Variants in P4HB observed in about 807,000 individuals in gnomAD.
The protein encoded by P4HB is protein disulfide-isomerase.
P4HB carries 20 observed loss-of-function variants against 52.6 expected under a neutral mutation model. That is an observed-to-expected ratio of 0.38 (90% confidence interval 0.27 to 0.55). P4HB has a LOEUF of 0.55. P4HB is among the 20% of genes least tolerant of loss of function. The probability of loss-of-function intolerance (pLI) is 0.74; values close to 1 mark genes in which losing one functional copy is unlikely to be tolerated. For missense variants in P4HB, 601 were observed against 669.2 expected (o/e 0.90, Z 1.12); for synonymous variants, 296 against 277.9 (o/e 1.07, Z -0.65).
chr17:81,849,161 C>T (rs2038788487), intron 4 of P4HB, among the ~76,000 whole-genome samples: 1 of 147,202 alleles, frequency 6.8e-6, no homozygotes, highest in Non-Finnish European at 1.5e-5. Flanking sequence ...GGGAGGTAGA[C>T]ATTGCAGTGA....
At position 81,843,631 on chromosome 17, in the gene P4HB, C is replaced by G; in HGVS notation, c.*381G>C. The G allele has an allele frequency of 2.1e-6, 1 of 466,364 alleles. No individual in the cohort carries two copies. The highest frequency in any genetic ancestry group is 3.8e-6 in the Non-Finnish European group (1 of 265,610). The allele number at this position is 466,364 out of a possible 1,614,324, so 28.9% of individuals were successfully genotyped here. ...CAAGGTGGAACAAATACCCTGATGT[C>G]GAAAAATGTCTAAAAATCCCACAGA... On this transcript the variant is annotated 3_prime_UTR_variant, in exon 11 of 11. Coordinates refer to ENST00000331483, the MANE Select transcript of P4HB (RefSeq NM_000918.4).
chr17:81,853,455 T>A (rs1277694876), intron 4 of P4HB, among the ~76,000 whole-genome samples: 2 of 151,822 alleles, frequency 1.3e-5, no homozygotes, highest in African/African-American at 2.4e-5. Context: ...TGCCCTGTAG[T>A]CCCAGCTACT....
chr17:81,849,566 C>T (rs538136058), intron 4 of P4HB, among the ~76,000 whole-genome samples: 3 of 152,146 alleles, frequency 2.0e-5, no homozygotes, highest in South Asian at 4.1e-4. Flanking sequence ...GTTTCTAATA[C>T]AACAGATCCT....
Position 81,846,985 on chromosome 17 carries a change from T to C in P4HB, c.817A>G (p.Ser273Gly). ...CTCTCGGCTGCTGTTTTGAAGTTGC[T>C]CAGTTTGCCGTCATAGTCAGACACA... Reference protein sequence around the residue: ...KSVSDYDGKLSNFKTAAESFK... With the variant: ...KSVSDYDGKLGNFKTAAESFK... The change falls in exon 6 of 11, where the codon AGC (serine) becomes GGC (glycine). Residue 273 changes from serine to glycine, a missense_variant. Physicochemically the swap from Ser to Gly is moderately conservative, Grantham distance 56 (BLOSUM62 0). Transcript: ENST00000331483. The surrounding 1 kb of genome is among the most constrained non-coding windows in gnomAD (Gnocchi z 5.7). 4 of 1,614,080 alleles carry C rather than the reference T, an allele frequency of 2.5e-6. No homozygotes were observed. In the East Asian group the frequency reaches 8.9e-5, roughly 36 times the overall value.
intron 4 of P4HB, among the ~76,000 whole-genome samples, chr17:81,851,104 G>C (rs2038824634): frequency 6.6e-6 from 1 of 151,880 alleles, no homozygotes; most frequent in Non-Finnish European, 1.5e-5. Context: ...CTAATTTTTT[G>C]TATTTTTAGT....
rs1322098451 is a variant in P4HB, at chr17:81,843,658, G to A, written c.*354C>T. 3 of 454,288 alleles carry A rather than the reference G, an allele frequency of 6.6e-6. No homozygotes were observed. The highest frequency in any genetic ancestry group is 3.3e-5 in the East Asian group (1 of 30,348). 28.1% of individuals were successfully genotyped at this position (454,288 alleles called of 1,614,324 possible). Reference sequence around the variant, plus strand: ...AAAAATGTCTAAAAATCCCACAGACGGAATTTTCAAAAAGAGGAGAAACCT... The same window carrying A: ...AAAAATGTCTAAAAATCCCACAGACAGAATTTTCAAAAAGAGGAGAAACCT... On this transcript the variant is annotated 3_prime_UTR_variant, in exon 11 of 11. Coordinates refer to ENST00000331483, the MANE Select transcript of P4HB (RefSeq NM_000918.4).
chr17:81,852,456 T>C (rs1317566514), intron 4 of P4HB, among the ~76,000 whole-genome samples: 1 of 152,202 alleles, frequency 6.6e-6, no homozygotes, highest in East Asian at 1.9e-4. Context: ...AAGGAACAAG[T>C]TGGACTCATC....
Position 81,846,854 on chromosome 17 carries a change from G to T in P4HB, c.855+93C>A. On this transcript the variant is annotated intron_variant, in intron 6 of 10. Coordinates refer to ENST00000331483, the MANE Select transcript of P4HB (RefSeq NM_000918.4). This position sits in a 1 kb window ranked among gnomAD's most constrained non-coding sequence, Gnocchi z 5.7. ...ATCAGGTGCCCGATCCAGTCCAGCA[G>T]GCAGCCTCAGGAAGGCCCCACACTT... 1 of 1,501,162 alleles carries T rather than the reference G, an allele frequency of 6.7e-7. No individual in the cohort carries two copies. Among genetic ancestry groups the T allele is most frequent in the Non-Finnish European group, 9.2e-7 (1 of 1,090,250 alleles). 93.0% of individuals were successfully genotyped at this position (1,501,162 alleles called of 1,614,324 possible).
Position 81,845,132 on chromosome 17 carries a change from G to A in P4HB, c.1446+12C>T. ...ATCCCAGAGACCAGCCCAGGGCTGTGACCCCACTCACGTCATCATCCCCTG... is the reference window on the plus strand; with the variant it reads ...ATCCCAGAGACCAGCCCAGGGCTGTAACCCCACTCACGTCATCATCCCCTG... On this transcript the variant is annotated intron_variant, in intron 10 of 10. Transcript: ENST00000331483. The A allele has an allele frequency of 6.2e-7, 1 of 1,602,976 alleles. No individual in the cohort carries two copies. The highest frequency in any genetic ancestry group is 2.2e-5 in the East Asian group (1 of 44,806).
chr17:81,846,858 G>A lies in P4HB; in HGVS notation c.855+89C>T, dbSNP rs2038743279. ...GGTGCCCGATCCAGTCCAGCAGGCA[G>A]CCTCAGGAAGGCCCCACACTTGTCA... On this transcript the variant is annotated intron_variant, in intron 6 of 10. Transcript: ENST00000331483. This position sits in a 1 kb window ranked among gnomAD's most constrained non-coding sequence, Gnocchi z 5.7. The A allele has an allele frequency of 6.6e-7, 1 of 1,515,068 alleles. No individual in the cohort carries two copies. The highest frequency in any genetic ancestry group is 1.7e-5 in the Admixed American group (1 of 58,416). The allele number at this position is 1,515,068 out of a possible 1,614,324, so 93.9% of individuals were successfully genotyped here.
chr17:81,844,104 G>T lies in P4HB; in HGVS notation c.1447-12C>A. The T allele has an allele frequency of 6.3e-7, 1 of 1,593,326 alleles. No individual in the cohort carries two copies. Among genetic ancestry groups the T allele is most frequent in the Admixed American group, 1.7e-5 (1 of 59,994 alleles). On this transcript the variant is annotated splice_polypyrimidine_tract_variant and intron_variant, in intron 10 of 10. Transcript: ENST00000331483. Reference sequence around the variant, plus strand: ...AGGTCCTCGAGATCCTGGGATACAGGAAAAGGGGCGGGGCGGGCAGGTTGG... The same window carrying T: ...AGGTCCTCGAGATCCTGGGATACAGTAAAAGGGGCGGGGCGGGCAGGTTGG...
intron 2 of P4HB, among the ~76,000 whole-genome samples, chr17:81,858,566 T>C (rs1285425825): frequency 6.6e-6 from 1 of 152,186 alleles, no homozygotes; most frequent in Non-Finnish European, 1.5e-5. Context: ...CTGATCTGGC[T>C]ACACAGGGGC....
At chr17:81,856,578 A>C (rs1598271131) in intron 2 of P4HB, among the ~76,000 whole-genome samples, 1 of 148,124 alleles carries the variant, frequency 6.8e-6, no homozygotes, top group Non-Finnish European at 1.5e-5. Flanking sequence ...CAGGTGATAC[A>C]CCTGCCTCAG....
At chr17:81,858,135 G>A (rs763088853) in intron 2 of P4HB, among the ~76,000 whole-genome samples, 7 of 151,836 alleles carry the variant, frequency 4.6e-5, no homozygotes, top group Non-Finnish European at 7.4e-5. Flanking sequence ...AGCCAGGCGT[G>A]GTGGTGCACA....
chr17:81,856,438 A>C (rs759565304), intron 2 of P4HB, among the ~76,000 whole-genome samples: 1 of 151,308 alleles, frequency 6.6e-6, no homozygotes, highest in Non-Finnish European at 1.5e-5. Context: ...CCCGGGTTCA[A>C]GCAATTCTCC....
At position 81,860,381 on chromosome 17, in the gene P4HB, T is replaced by C. The variant is rs907388909; in HGVS notation, c.91A>G (p.Lys31Glu). 2.0e-6 allele frequency: 3 copies of C among 1,473,728 alleles called. No homozygotes were observed. Among genetic ancestry groups the C allele is most frequent in the East Asian group, 3.0e-5 (1 of 33,000 alleles). 91.3% of individuals were successfully genotyped at this position (1,473,728 alleles called of 1,614,324 possible). The change falls in exon 1 of 11, where the codon AAA becomes GAA. Residue 31 changes from lysine to glutamate, a missense_variant. Physicochemically the swap from Lys to Glu is moderately conservative, Grantham distance 56 (BLOSUM62 1). Transcript: ENST00000331483. ...GCCAGCGCCTCCGCGAAGTTGCTTT[T>C]CCGCAGCACCAGGACGTGGTCCTCC... ...EEEDHVLVLR[K>E]SNFAEALAAH... is the part of the protein sequence containing the mutation.
chr17:81,845,005 G>A (rs1468564728), intron 10 of P4HB, 139 bp downstream of exon 10: 3 of 676,086 alleles, frequency 4.4e-6, no homozygotes, highest in Admixed American at 4.7e-5. Context: ...GGGCGAAGGT[G>A]TGGGGCCCCA....
At chr17:81,857,585 G>A (rs919789332) in intron 2 of P4HB, among the ~76,000 whole-genome samples, 1 of 152,158 alleles carries the variant, frequency 6.6e-6, no homozygotes, top group Non-Finnish European at 1.5e-5. Flanking sequence ...TCTACCTCTG[G>A]GAACAGGCTG....
rs879240537 is a variant in P4HB at position 81,846,632 on chromosome 17, G to A, written c.856-3C>T. On this transcript the variant is annotated splice_polypyrimidine_tract_variant and splice_region_variant and intron_variant, in intron 6 of 10. Coordinates refer to ENST00000331483, the MANE Select transcript of P4HB (RefSeq NM_000918.4). This position sits in a 1 kb window ranked among gnomAD's most constrained non-coding sequence, Gnocchi z 5.7. The stretch of plus-strand genomic sequence containing the variant: ...CTGTCGATGAAGATGAACAGGATCT[G>A]GGGGAGAAAAGGAGGTTGCACAGGT... 2 of 1,613,230 alleles carry A rather than the reference G, an allele frequency of 1.2e-6. No homozygotes were observed. Among genetic ancestry groups the A allele is most frequent in the Non-Finnish European group, 1.7e-6 (2 of 1,179,860 alleles).
Sources: allele counts gnomAD v4.1 joint callset (sites outside exome capture counted in the v4.1 genomes callset), GRCh38; gene constraint gnomAD v4.1.1; non-coding constraint Gnocchi (gnomAD v3.1); transcripts MANE v1.5; gene names NCBI Gene and HGNC (gene_info 2026-07-23, HGNC 2026-07-21).